The following HERC5 variants were observed in gnomAD, a reference collection of about 807,000 sequenced individuals.
HERC5 encodes HECT and RLD domain containing E3 ubiquitin protein ligase 5.
Under a neutral mutation model 119.6 loss-of-function variants are expected in HERC5, and 99 were observed. The observed-to-expected ratio is 0.83, with a 90% CI of 0.70 to 0.98. The LOEUF (loss-of-function observed/expected upper bound fraction) is 0.98, where lower values mean the gene tolerates loss of function less well. Ranked by LOEUF, HERC5 falls within the 50% of genes least tolerant of loss-of-function variation. HERC5 has a pLI of 0.00. For synonymous variants in HERC5, 478 were observed against 445.9 expected, an observed-to-expected ratio of 1.07 and a Z score of -0.91; for missense variants, 1,267 against 1,241.3, an observed-to-expected ratio of 1.02 and a Z score of -0.31.
intron 6 of HERC5, among the ~76,000 whole-genome samples, chr4:88,466,089 GTTT>G (rs1299764703): frequency 1.4e-5 from 2 of 140,594 alleles, no homozygotes. Context: ...TGGTTTGGTG[GTTT>G]TTTTTTTTTT....
At chr4:88,463,325 T>C (rs1229749316) in intron 4 of HERC5, among the ~76,000 whole-genome samples, 1 of 152,228 alleles carries the variant, frequency 6.6e-6, no homozygotes, top group African/African-American at 2.4e-5. Context: ...CACAGGTGGG[T>C]GCCCCTAAGT....
chr4:88,493,434 T>C (rs1741706791), intron 17 of HERC5, among the ~76,000 whole-genome samples: 1 of 152,186 alleles, frequency 6.6e-6, no homozygotes, highest in African/African-American at 2.4e-5. Flanking sequence ...TAGGTACTCA[T>C]TCTTTGTGTC....
intron 16 of HERC5, among the ~76,000 whole-genome samples, chr4:88,490,905 A>G (rs1313713209): frequency 6.6e-6 from 1 of 152,182 alleles, no homozygotes; most frequent in Non-Finnish European, 1.5e-5. Context: ...TTGCACACAG[A>G]TAATTGTATA....
rs183721006 is a variant in HERC5, at chr4:88,470,682, T to A, written c.1298+9T>A. Reference sequence around the variant, plus strand: ...AGTTTTTTAAGGAAAAGGTAATATATGTAATAAATTAATTGTATTAAATTG... The same window carrying A: ...AGTTTTTTAAGGAAAAGGTAATATAAGTAATAAATTAATTGTATTAAATTG... On this transcript the variant is annotated intron_variant, in intron 10 of 22. Transcript: ENST00000264350. 4 of 1,215,044 alleles carry A rather than the reference T, an allele frequency of 3.3e-6. No homozygotes were observed. In the Admixed American group the frequency reaches 5.6e-5, roughly 17 times the overall value. 75.3% of individuals were successfully genotyped at this position (1,215,044 alleles called of 1,614,324 possible).
rs1424610363 is a variant in HERC5 at position 88,479,438 on chromosome 4, C to T, written c.1668C>T (p.Tyr556=). 1.2e-6 allele frequency: 2 copies of T among 1,612,922 alleles called. No individual in the cohort carries two copies. Among genetic ancestry groups the T allele is most frequent in the African/African-American group, 2.7e-5 (2 of 74,800 alleles). ...CAGCCGTCATATGCCAGTTGGATTA[C>T]TGGGATGAAAGTGCTGAGGAGAATG... is the stretch of plus-strand genomic sequence containing the variant. ...FKTAVICQLD[Y]WDESAEENGN... is the part of the protein sequence containing the mutation. The change falls in exon 13 of 23, where the codon TAC becomes TAT. Residue 556 remains tyrosine (Y), a synonymous_variant. Transcript: ENST00000264350.
intron 1 of HERC5, 74 bp from the exon 2 acceptor site, chr4:88,459,273 T>C: frequency 8.1e-7 from 1 of 1,228,324 alleles, no homozygotes; most frequent in Non-Finnish European, 1.1e-6. Context: ...GTTTTAAGTG[T>C]ATTATAATGA....
Position 88,457,208 on chromosome 4 carries a change from T to C in HERC5, c.-62T>C. On this transcript the variant is annotated 5_prime_UTR_variant, in exon 1 of 23. Transcript: ENST00000264350. ...GCAACGCCTGAGGCAGTGGGCGCGCTCAGTCCCGGGACCAGGCGTTCTCTC... is the reference window on the plus strand; with the variant it reads ...GCAACGCCTGAGGCAGTGGGCGCGCCCAGTCCCGGGACCAGGCGTTCTCTC... 1 of 1,245,220 alleles carries C rather than the reference T, an allele frequency of 8.0e-7. No individual in the cohort carries two copies. Among genetic ancestry groups the C allele is most frequent in the Non-Finnish European group, 1.0e-6 (1 of 993,346 alleles). 77.1% of individuals were successfully genotyped at this position (1,245,220 alleles called of 1,614,324 possible). A position where few individuals can be genotyped will look rare whatever the true frequency, so the allele number is the denominator to read the frequency against.
intron 9 of HERC5, among the ~76,000 whole-genome samples, chr4:88,469,784 A>C (rs1186357031): frequency 6.6e-6 from 1 of 152,224 alleles, no homozygotes; most frequent in Non-Finnish European, 1.5e-5. Context: ...TATTTGACCA[A>C]ATATCTTGGT....
At position 88,475,921 on chromosome 4, in the gene HERC5, C is replaced by G; in HGVS notation, c.1473C>G (p.Phe491Leu). 1.2e-6 allele frequency: 2 copies of G among 1,613,976 alleles called. No homozygotes were observed. ...CCCAAGAAGCTTTAGAAATTTTCTTCCTTCTCCCAGAATGTCCTATGATGC... is the reference window on the plus strand; with the variant it reads ...CCCAAGAAGCTTTAGAAATTTTCTTGCTTCTCCCAGAATGTCCTATGATGC... The part of the protein sequence containing the change: ...SPPQEALEIF[F>L]LLPECPMMHI... Residue 491 changes from phenylalanine to leucine, a missense_variant, in exon 12 of 23, where the codon TTC becomes TTG. By Grantham distance (22) the Phe-to-Leu change is conservative. Transcript: ENST00000264350.
chr4:88,498,183 C>T (rs1395180812), intron 18 of HERC5, among the ~76,000 whole-genome samples: 1 of 152,168 alleles, frequency 6.6e-6, no homozygotes, highest in Non-Finnish European at 1.5e-5. Flanking sequence ...GTTGAGGCAA[C>T]TGCAGAGAGC....
In HERC5 at chr4:88,479,515, T is replaced by C; in HGVS notation, c.1737+8T>C. ...TTGAAGAAGCTGCACAGGGTAAGAG[T>C]TCCTTTAGAAACCTCTGTGTTTTTA... On this transcript the variant is annotated splice_region_variant and intron_variant, in intron 13 of 22. Coordinates refer to ENST00000264350, the MANE Select transcript of HERC5 (RefSeq NM_016323.4). 6.5e-7 allele frequency: 1 copy of C among 1,546,482 alleles called. No individual in the cohort carries two copies. Among genetic ancestry groups the C allele is most frequent in the Non-Finnish European group, 8.7e-7 (1 of 1,150,816 alleles).
intron 10 of HERC5, 101 bp downstream of exon 10, chr4:88,470,774 T>G (rs573020140): frequency 4.8e-5 from 24 of 498,204 alleles, no homozygotes; most frequent in African/African-American, 4.2e-4. Context: ...TGTTCATCCC[T>G]TTTTAAAAAT....
intron 7 of HERC5, chr4:88,467,956 A>T (rs969203448): frequency 1.2e-6 from 1 of 815,280 alleles, no homozygotes; most frequent in African/African-American, 1.8e-5. Context: ...TTGATTCCTT[A>T]TAACAGTTAC....
chr4:88,504,171 C>A, intron 20 of HERC5, 61 bp from the exon 21 acceptor site: 1 of 1,057,956 alleles, frequency 9.5e-7, no homozygotes, highest in Non-Finnish European at 1.4e-6. Context: ...TTATTTTTAG[C>A]CCCTCACCAT....
At chr4:88,499,816 T>C (rs935751557) in intron 18 of HERC5, 110 bp from the exon 19 acceptor site, 1 of 736,722 alleles carries the variant, frequency 1.4e-6, no homozygotes, top group South Asian at 1.6e-5. Flanking sequence ...CTGTGAACTA[T>C]ACCTGACCTC....
intron 20 of HERC5, among the ~76,000 whole-genome samples, 178 bp from the exon 21 acceptor site, chr4:88,504,054 G>A (rs1742030669): frequency 1.3e-5 from 2 of 149,396 alleles, no homozygotes; most frequent in Admixed American, 6.6e-5. Flanking sequence ...GTGACAGTGC[G>A]AGACTCCGTC....
intron 3 of HERC5, among the ~76,000 whole-genome samples, chr4:88,460,805 A>G (rs999020374): frequency 6.6e-6 from 1 of 152,124 alleles, no homozygotes; most frequent in Non-Finnish European, 1.5e-5. Context: ...CCTGGACAAC[A>G]TGGGGAGACT....
intron 9 of HERC5, 144 bp downstream of exon 9, chr4:88,469,404 A>G (rs1740787801): frequency 1.5e-6 from 1 of 672,948 alleles, no homozygotes; most frequent in Non-Finnish European, 2.7e-6. Flanking sequence ...TTCTGTCTCT[A>G]TCTTTATCTC....
At chr4:88,482,694 G>C (rs1345270382) in intron 13 of HERC5, among the ~76,000 whole-genome samples, 1 of 152,228 alleles carries the variant, frequency 6.6e-6, no homozygotes, top group African/African-American at 2.4e-5. Flanking sequence ...CCTTATTCTG[G>C]GGGAAGAGGC....
Sources: allele counts gnomAD v4.1 joint callset (sites outside exome capture counted in the v4.1 genomes callset), GRCh38; gene constraint gnomAD v4.1.1; transcripts MANE v1.5; gene names NCBI Gene and HGNC (gene_info 2026-07-23, HGNC 2026-07-21).